The following B3GALT1 variants were observed in gnomAD, a reference collection of about 807,000 sequenced individuals.
The protein encoded by B3GALT1 is UDP-Gal:betaGlcNAc beta 1,3-galactosyltransferase, polypeptide 1.
In B3GALT1, 10 loss-of-function variants were observed where a neutral mutation model predicts 23.2. That is an observed-to-expected ratio of 0.43 (90% confidence interval 0.27 to 0.73). B3GALT1 has a LOEUF of 0.73. Ranked by LOEUF, B3GALT1 falls within the 30% of genes least tolerant of loss-of-function variation. B3GALT1 has a pLI of 0.21. For missense variants in B3GALT1, 299 were observed against 405.4 expected (o/e 0.74, Z 2.25); for synonymous variants, 156 against 141.5 (o/e 1.10, Z -0.73).
rs1177397051 is a variant in B3GALT1 at position 167,690,719 on chromosome 2, G to GT, written c.-352+43754dup. Among the ~76,000 whole-genome samples, 4 of 152,268 alleles carry GT rather than the reference G, an allele frequency of 2.6e-5. 1 individual carries two copies. Among genetic ancestry groups the GT allele is most frequent in the Non-Finnish European group, 1.5e-5 (1 of 67,984 alleles). ...AAGCTGCAATTGTGTTTCAAAGAAT[G>GT]TATTACCAATCTATCGTCCCTAGTT... On this transcript the variant is annotated intron_variant, in intron 3 of 4. Transcript: ENST00000392690.
chr2:167,796,067 A>G (rs1399500163), intron 3 of B3GALT1, among the ~76,000 whole-genome samples: 1 of 152,210 alleles, frequency 6.6e-6, no homozygotes, highest in Admixed American at 6.5e-5. Context: ...ATATAATTTA[A>G]TCTTCCCTCT....
intron 3 of B3GALT1, among the ~76,000 whole-genome samples, chr2:167,764,824 A>G (rs1687950870): frequency 1.3e-5 from 2 of 152,180 alleles, no homozygotes; most frequent in Non-Finnish European, 2.9e-5. Context: ...TTTCTACACT[A>G]GATCTTGATC....
chr2:167,495,752 AG>A, intron 2 of B3GALT1, among the ~76,000 whole-genome samples: 1 of 152,284 alleles, frequency 6.6e-6, no homozygotes, highest in African/African-American at 2.4e-5. Context: ...GGATGCCTTC[AG>A]GGAAAAGATG....
At chr2:167,495,255 GAA>G (rs1045264003) in intron 2 of B3GALT1, among the ~76,000 whole-genome samples, 1 of 149,788 alleles carries the variant, frequency 6.7e-6, no homozygotes, top group African/African-American at 2.5e-5. Flanking sequence ...ATGAGAAAGT[GAA>G]ACTTTGATAC....
intron 1 of B3GALT1, among the ~76,000 whole-genome samples, chr2:167,422,066 AGAG>A (rs970428348): frequency 4.1e-5 from 6 of 145,660 alleles, no homozygotes; most frequent in African/African-American, 1.5e-4. Flanking sequence ...AGGAAGAGGA[AGAG>A]GAGGAGGATG....
At chr2:167,666,390 T>C (rs1441080475) in intron 3 of B3GALT1, among the ~76,000 whole-genome samples, 2 of 152,156 alleles carry the variant, frequency 1.3e-5, no homozygotes, top group Non-Finnish European at 2.9e-5. Context: ...AATTTTGGAA[T>C]AGGTGTGGTG....
chr2:167,497,332 G>A (rs1485729703), intron 2 of B3GALT1, among the ~76,000 whole-genome samples: 1 of 152,094 alleles, frequency 6.6e-6, no homozygotes, highest in Non-Finnish European at 1.5e-5. Flanking sequence ...AAAAGTGAAT[G>A]AGCTAGTATC....
At chr2:167,846,890 A>G (rs764180411) in intron 4 of B3GALT1, among the ~76,000 whole-genome samples, 45 of 152,180 alleles carry the variant, frequency 3.0e-4, no homozygotes, top group Non-Finnish European at 4.4e-4. Flanking sequence ...AAGGACTCAC[A>G]TAAAGTAAAG....
At chr2:167,589,121 T>G (rs1383664322) in intron 2 of B3GALT1, among the ~76,000 whole-genome samples, 6 of 152,090 alleles carry the variant, frequency 3.9e-5, no homozygotes, top group African/African-American at 7.2e-5. Flanking sequence ...TTTAAAATTA[T>G]TTTTTGTAGA....
chr2:167,654,392 T>C (rs1366620918), intron 3 of B3GALT1, among the ~76,000 whole-genome samples: 1 of 152,020 alleles, frequency 6.6e-6, no homozygotes, highest in Non-Finnish European at 1.5e-5. Flanking sequence ...GCTCCCCACT[T>C]CTCCCAGCCT....
chr2:167,369,317 A>G lies in B3GALT1; in HGVS notation c.-511+75983A>G, dbSNP rs187497668. ...ATATTCAGAATAGTGGCAATGAGCAAGTGGTAGAATATTCCATGATTTGAA... is the reference window on the plus strand; with the variant it reads ...ATATTCAGAATAGTGGCAATGAGCAGGTGGTAGAATATTCCATGATTTGAA... On this transcript the variant is annotated intron_variant, in intron 1 of 4. Transcript: ENST00000392690. Among the ~76,000 whole-genome samples the G allele has an allele frequency of 5.0e-4, 76 of 152,250 alleles. 1 individual carries two copies. In the East Asian group the frequency reaches 0.014, roughly 28 times the overall value.
At chr2:167,728,146 G>A (rs190893371) in intron 3 of B3GALT1, among the ~76,000 whole-genome samples, 23 of 152,314 alleles carry the variant, frequency 1.5e-4, no homozygotes, top group African/African-American at 4.8e-4. Flanking sequence ...CAACACTTTG[G>A]GAGGCCAAGG....
chr2:167,518,208 A>G (rs1174826529), intron 2 of B3GALT1, among the ~76,000 whole-genome samples: 1 of 152,132 alleles, frequency 6.6e-6, no homozygotes, highest in Admixed American at 6.6e-5. Flanking sequence ...CAGGAATCAA[A>G]CCTGCAATTG....
chr2:167,654,958 A>C (rs1315645839), intron 3 of B3GALT1, among the ~76,000 whole-genome samples: 2 of 152,150 alleles, frequency 1.3e-5, no homozygotes, highest in African/African-American at 4.8e-5. Flanking sequence ...CCCATGTAAG[A>C]GAATTAATGA....
intron 2 of B3GALT1, among the ~76,000 whole-genome samples, chr2:167,565,669 C>T (rs183962853): frequency 2.0e-4 from 30 of 152,296 alleles, no homozygotes; most frequent in African/African-American, 6.7e-4. Context: ...AAGAAAAAAA[C>T]AACCCCATCA....
At chr2:167,796,625 T>C (rs1444674691) in intron 3 of B3GALT1, among the ~76,000 whole-genome samples, 1 of 151,938 alleles carries the variant, frequency 6.6e-6, no homozygotes, top group Admixed American at 6.5e-5. Context: ...GGTGCTTGCC[T>C]GTAATCCCAG....
chr2:167,744,679 C>T (rs778704024), intron 3 of B3GALT1, among the ~76,000 whole-genome samples: 5 of 152,098 alleles, frequency 3.3e-5, no homozygotes, highest in Non-Finnish European at 7.4e-5. Flanking sequence ...GCAACCTCCA[C>T]CTCCCGAGTT....
At chr2:167,663,254 C>G (rs1686103919) in intron 3 of B3GALT1, among the ~76,000 whole-genome samples, 1 of 151,852 alleles carries the variant, frequency 6.6e-6, no homozygotes, top group Non-Finnish European at 1.5e-5. Context: ...ATGATGATTT[C>G]CAATTTCATC....
intron 3 of B3GALT1, among the ~76,000 whole-genome samples, chr2:167,812,976 C>G: frequency 7.5e-6 from 1 of 132,878 alleles, no homozygotes; most frequent in South Asian, 2.6e-4. Context: ...CACACACACA[C>G]ACGCACCACC....
Sources: gnomAD v4.1 joint callset for allele counts (sites outside exome capture counted in the v4.1 genomes callset) on GRCh38, gnomAD v4.1.1 for gene constraint, MANE v1.5 for transcripts, NCBI Gene and HGNC (gene_info 2026-07-23, HGNC 2026-07-21) for gene names.